The following ZBTB40 variants were observed in gnomAD, a reference collection of about 807,000 sequenced individuals.
The protein encoded by ZBTB40 is zinc finger and BTB domain-containing protein 40.
ZBTB40 carries 60 observed loss-of-function variants against 117.5 expected under a neutral mutation model. That is an observed-to-expected ratio of 0.51 (90% CI 0.41 to 0.63). ZBTB40 has a LOEUF of 0.63. Ranked by LOEUF, ZBTB40 falls within the 30% of genes least tolerant of loss-of-function variation. The pLI is 0.00. For missense variants in ZBTB40, 1,287 were observed against 1,498.5 expected (o/e 0.86, Z 2.33); for synonymous variants, 525 against 577.1 (o/e 0.91, Z 1.29).
chr1:22,493,095 A>G (rs1638676677), intron 3 of ZBTB40, among the ~76,000 whole-genome samples: 1 of 152,204 alleles, frequency 6.6e-6, no homozygotes, highest in Non-Finnish European at 1.5e-5. Context: ...AGTATGTGGC[A>G]TGTAACAGGT....
At chr1:22,507,574 A>G (rs1639103904) in intron 6 of ZBTB40, among the ~76,000 whole-genome samples, 1 of 152,220 alleles carries the variant, frequency 6.6e-6, no homozygotes, top group Non-Finnish European at 1.5e-5. Flanking sequence ...AAATTGGCCC[A>G]AAGGGCACCT....
chr1:22,508,761 GC>G, intron 8 of ZBTB40, 30 bp downstream of exon 8: 1 of 1,600,326 alleles, frequency 6.2e-7, no homozygotes, highest in Non-Finnish European at 8.5e-7. Flanking sequence ...GGGGGGTTTT[GC>G]CCCCACTAGA....
intron 1 of ZBTB40, among the ~76,000 whole-genome samples, chr1:22,488,669 G>A (rs1207095489): frequency 6.6e-6 from 1 of 152,234 alleles, no homozygotes; most frequent in Non-Finnish European, 1.5e-5. Flanking sequence ...TTAAAGGCTT[G>A]CTAGGCCATT....
Position 22,521,506 on chromosome 1 carries a change from G to C in ZBTB40, c.3059G>C (p.Gly1020Ala). ...CCAAATTCCTTGCAGCAATTGTCTG[G>C]TTTGTGGTACCACAATCGAACCCAC... ...ICNKAYQQLS[G>A]LWYHNRTHHP... is the part of the protein sequence containing the mutation. The change falls in exon 15 of 18, where the codon GGT (glycine) becomes GCT (alanine). Residue 1020 changes from glycine (G) to alanine (A), a missense_variant. Gly to Ala is a moderately conservative substitution (Grantham distance 60). Around this residue, in one of 2 missense-constraint regions of ZBTB40, gnomAD observed 417 missense variants for 564.1 expected, o/e 0.74. Transcript: ENST00000375647. 1 of 1,614,170 alleles carries C rather than the reference G, an allele frequency of 6.2e-7. No homozygotes were observed. Among genetic ancestry groups the C allele is most frequent in the East Asian group, 2.2e-5 (1 of 44,884 alleles).
At position 22,511,949 on chromosome 1, in the gene ZBTB40, G is replaced by A. The variant is rs138771748; in HGVS notation, c.2276G>A (p.Arg759Gln). Residue 759 changes from arginine (R) to glutamine (Q), a missense_variant, in exon 11 of 18, where the codon CGG (arginine) becomes CAG (glutamine). Physicochemically the swap from Arg to Gln is conservative, Grantham distance 43. This residue lies in a region of ZBTB40 where 870 missense variants were observed against 934.4 expected (regional missense o/e 0.93). Coordinates refer to ENST00000375647, the MANE Select transcript of ZBTB40 (RefSeq NM_014870.4). Reference protein sequence around the residue: ...CRLKVHMKRCRVAKSKQVQCK... With the variant: ...CRLKVHMKRCQVAKSKQVQCK... ...CTAAAGGTGCACATGAAGCGCTGCC[G>A]GGTGGCTAAGAGCAAACAGGTGCAG... The A allele has an allele frequency of 1.2e-4, 200 of 1,614,078 alleles. 1 individual carries two copies. Among genetic ancestry groups the A allele is most frequent in the Non-Finnish European group, 1.5e-4 (177 of 1,180,056 alleles).
chr1:22,437,920 C>T (rs1348497704), intron 1 of ZBTB40, among the ~76,000 whole-genome samples: 6 of 151,650 alleles, frequency 4.0e-5, no homozygotes, highest in South Asian at 2.1e-4. Context: ...GTCTCAAGGT[C>T]GGGAGTTCGA....
Position 22,526,675 on chromosome 1 carries a change from G to A in ZBTB40, c.*279G>A, listed in dbSNP as rs1639688470. 7.0e-6 allele frequency: 3 copies of A among 428,286 alleles called. No individual in the cohort carries two copies. The highest frequency in any genetic ancestry group is 6.2e-5 in the South Asian group (3 of 48,456). 26.5% of individuals were successfully genotyped at this position (428,286 alleles called of 1,614,324 possible). On this transcript the variant is annotated 3_prime_UTR_variant, in exon 18 of 18. Coordinates refer to ENST00000375647, the MANE Select transcript of ZBTB40 (RefSeq NM_014870.4). The stretch of plus-strand genomic sequence containing the variant: ...CCTCTATGACACTGTCCATCCCCAA[G>A]TGACATGTGGCTTCAGAAGTAGAGT...
rs755785423 is a variant in ZBTB40 at position 22,526,204 on chromosome 1, G to A, written c.3528G>A (p.Val1176=). The A allele has an allele frequency of 5.6e-6, 9 of 1,614,022 alleles. No individual in the cohort carries two copies. The highest frequency in any genetic ancestry group is 7.6e-6 in the Non-Finnish European group (9 of 1,180,052). The change falls in exon 18 of 18, where the codon GTG becomes GTA. Residue 1176 remains valine, a splice_region_variant and synonymous_variant. Coordinates refer to ENST00000375647, the MANE Select transcript of ZBTB40 (RefSeq NM_014870.4). ...GCCTCACGGTCTTTCTCTTTCAGGTGATCCAAACCCCAGAGCCGGTGGCCC... is the reference window on the plus strand; with the variant it reads ...GCCTCACGGTCTTTCTCTTTCAGGTAATCCAAACCCCAGAGCCGGTGGCCC... ...TQAAASQMAQ[V]IQTPEPVAPT... is the part of the protein sequence containing the mutation.
At chr1:22,429,329 C>A (rs1434865396) in intron 1 of ZBTB40, among the ~76,000 whole-genome samples, 1 of 151,700 alleles carries the variant, frequency 6.6e-6, no homozygotes, top group African/African-American at 2.4e-5. Flanking sequence ...TGCAGTGAGC[C>A]GACATAGCGC....
chr1:22,459,488 G>A (rs1471120062), intron 1 of ZBTB40, among the ~76,000 whole-genome samples: 1 of 152,188 alleles, frequency 6.6e-6, no homozygotes, highest in African/African-American at 2.4e-5. Flanking sequence ...TTGAGATGCT[G>A]TCTTTATTGA....
intron 1 of ZBTB40, among the ~76,000 whole-genome samples, chr1:22,474,430 C>T (rs571662864): frequency 6.6e-6 from 1 of 152,328 alleles, no homozygotes; most frequent in Non-Finnish European, 1.5e-5. Flanking sequence ...CTTGAGAAAT[C>T]TGGGCCTACT....
At chr1:22,480,679 G>A (rs1173990143) in intron 1 of ZBTB40, among the ~76,000 whole-genome samples, 1 of 152,072 alleles carries the variant, frequency 6.6e-6, no homozygotes, top group Non-Finnish European at 1.5e-5. Context: ...TTCTCTATGT[G>A]AGTCCCTGTG....
At chr1:22,433,872 GT>G (rs541820650) in intron 1 of ZBTB40, among the ~76,000 whole-genome samples, 6 of 148,652 alleles carry the variant, frequency 4.0e-5, no homozygotes, top group East Asian at 2.0e-4. Flanking sequence ...ATTTAAGCTA[GT>G]TTTTTTTTTG....
chr1:22,462,780 C>CT (rs1340062131), intron 1 of ZBTB40, among the ~76,000 whole-genome samples: 3 of 152,204 alleles, frequency 2.0e-5, no homozygotes, highest in African/African-American at 7.2e-5. Flanking sequence ...ACTCTCCCCA[C>CT]TTTCTCTCTT....
intron 1 of ZBTB40, among the ~76,000 whole-genome samples, chr1:22,454,158 G>C (rs1345452946): frequency 6.6e-6 from 1 of 152,138 alleles, no homozygotes; most frequent in Non-Finnish European, 1.5e-5. Flanking sequence ...TCACCATGTT[G>C]TTCAGGCTGG....
chr1:22,487,299 T>C (rs1204717710), intron 1 of ZBTB40, among the ~76,000 whole-genome samples: 1 of 152,178 alleles, frequency 6.6e-6, no homozygotes, highest in Admixed American at 6.5e-5. Context: ...AATGGTGGAG[T>C]GGAAAGAGAA....
In ZBTB40 at chr1:22,460,475, A is replaced by G. The variant is rs550564654; in HGVS notation, c.-70+8471A>G. On this transcript the variant is annotated intron_variant, in intron 1 of 17. Coordinates refer to ENST00000375647, the MANE Select transcript of ZBTB40 (RefSeq NM_014870.4). ...ATAATAGTTACCATTTATTGAACAC[A>G]TACAAAATACCAGGCAGTGTACTAG... Among the ~76,000 whole-genome samples the G allele has an allele frequency of 2.3e-4, 35 of 152,342 alleles. No individual in the cohort carries two copies. The South Asian group carries it at 2.5e-3, about 11-fold the overall frequency.
intron 1 of ZBTB40, among the ~76,000 whole-genome samples, chr1:22,443,464 G>GA (rs545423920): frequency 3.9e-4 from 60 of 152,386 alleles, no homozygotes; most frequent in Non-Finnish European, 7.2e-4. Flanking sequence ...GCAATTGGTT[G>GA]AAAGAGTTAA....
chr1:22,468,981 C>A (rs1044755474), intron 1 of ZBTB40, among the ~76,000 whole-genome samples: 1 of 151,988 alleles, frequency 6.6e-6, no homozygotes, highest in Non-Finnish European at 1.5e-5. Context: ...TGTACTCCAC[C>A]ACACTTGGCT....
Sources: gnomAD v4.1 joint callset for allele counts (sites outside exome capture counted in the v4.1 genomes callset) on GRCh38, gnomAD v4.1.1 for gene constraint, gnomAD v4.1.1 regional missense constraint, MANE v1.5 for transcripts, NCBI Gene and HGNC (gene_info 2026-07-23, HGNC 2026-07-21) for gene names.